The following MAPT variants were observed in gnomAD, a reference collection of about 807,000 sequenced individuals.
MAPT encodes the protein microtubule-associated protein tau.
A neutral mutation model predicts 67.9 loss-of-function variants in MAPT; 34 were observed. That is an observed-to-expected ratio of 0.50 (90% CI 0.38 to 0.67). The LOEUF (loss-of-function observed/expected upper bound fraction) is 0.67. Among genes scored for constraint, MAPT ranks in the 30% least tolerant of loss-of-function variants. The pLI, the probability that MAPT is intolerant of heterozygous loss-of-function variation, is 0.00. For synonymous variants in MAPT, 456 were observed against 464.5 expected, an observed-to-expected ratio of 0.98 and a Z score of 0.23; for missense variants, 881 against 1,115.2, an observed-to-expected ratio of 0.79 and a Z score of 2.99.
intron 12 of MAPT, among the ~76,000 whole-genome samples, chr17:46,021,276 TATCCAAAGTGAGAA>T (rs1404856716): frequency 2.6e-5 from 4 of 152,140 alleles, no homozygotes; most frequent in African/African-American, 2.4e-5. Flanking sequence ...GCTGGGTCGC[TATCCAAAGTGAGAA>T]AACGAGGAGG....
Position 45,971,731 on chromosome 17 carries a change from G to A in MAPT, c.134-128G>A, listed in dbSNP as rs149070658. 89 of 739,836 alleles carry A rather than the reference G, an allele frequency of 1.2e-4. No individual in the cohort carries two copies. In the East Asian group the frequency reaches 1.9e-3, roughly 16 times the overall value. 45.8% of individuals were successfully genotyped at this position (739,836 alleles called of 1,614,324 possible). ...CCCTTTGTGGGTTTGTTGCGAGGCC[G>A]TGTTCCAGCTGTTTCCACAGGGAGC... is the stretch of plus-strand genomic sequence containing the variant. On this transcript the variant is annotated intron_variant, in intron 2 of 12. Coordinates refer to ENST00000262410, the MANE Select transcript of MAPT (RefSeq NM_001377265.1). The surrounding 1 kb of genome is among the most constrained non-coding windows in gnomAD (Gnocchi z 4.3).
chr17:46,000,971 C>G (rs1409157866), intron 9 of MAPT, among the ~76,000 whole-genome samples: 2 of 152,308 alleles, frequency 1.3e-5, no homozygotes, highest in Admixed American at 6.5e-5. Flanking sequence ...TGGCTCACAC[C>G]TAATCCCAAC....
chr17:45,983,942 G>C lies in MAPT; in HGVS notation c.1351+12G>C. On this transcript the variant is annotated intron_variant, in intron 5 of 12. Coordinates refer to ENST00000262410, the MANE Select transcript of MAPT (RefSeq NM_001377265.1). ...CCCTCAACTCAAAGGTCTGTGTCTT[G>C]AGCTTCTTCGCTCCTTCCCTGGGGA... 1 of 1,538,514 alleles carries C rather than the reference G, an allele frequency of 6.5e-7. No individual in the cohort carries two copies. Among genetic ancestry groups the C allele is most frequent in the Non-Finnish European group, 8.7e-7 (1 of 1,147,640 alleles).
chr17:45,960,952 C>T (rs904998791), intron 1 of MAPT, among the ~76,000 whole-genome samples: 2 of 152,070 alleles, frequency 1.3e-5, no homozygotes, highest in African/African-American at 4.8e-5. Flanking sequence ...ACTTTCACAC[C>T]TCTGTCCACC....
At chr17:45,904,223 T>A (rs1233365833) in intron 1 of MAPT, among the ~76,000 whole-genome samples, 1 of 45,764 alleles carries the variant, frequency 2.2e-5, no homozygotes, top group African/African-American at 7.8e-5. Context: ...ATATATATTA[T>A]ATATATTATA....
At chr17:45,898,290 G>A (rs2063397029) in intron 1 of MAPT, 2 of 152,222 alleles carry the variant, frequency 1.3e-5, no homozygotes, top group African/African-American at 4.8e-5. Flanking sequence ...CTGCTGGAAG[G>A]GCGTGACTTT....
intron 8 of MAPT, among the ~76,000 whole-genome samples, chr17:45,992,175 A>C (rs2074112906): frequency 6.6e-6 from 1 of 152,190 alleles, no homozygotes; most frequent in South Asian, 2.1e-4. Flanking sequence ...AAAGAAAGAA[A>C]TCGAGCCTCT....
At chr17:46,003,852 C>CT (rs112281640) in intron 9 of MAPT, among the ~76,000 whole-genome samples, 21,659 of 152,132 alleles carry the variant, frequency 0.14, 2,086 homozygotes, top group Non-Finnish European at 0.22. Flanking sequence ...TCTGAAAAAT[C>CT]TGTGTGAATC....
At chr17:45,947,168 G>A (rs141270103) in intron 1 of MAPT, among the ~76,000 whole-genome samples, 1 of 152,024 alleles carries the variant, frequency 6.6e-6, no homozygotes, top group East Asian at 1.9e-4. Context: ...GCTCTTCAAG[G>A]GCCAGTCTTA....
intron 1 of MAPT, among the ~76,000 whole-genome samples, chr17:45,951,277 T>G (rs2069048693): frequency 6.6e-6 from 1 of 152,228 alleles, no homozygotes. Context: ...TGGAACTAGA[T>G]AGAGGTGATA....
chr17:46,018,703 C>T lies in MAPT; in HGVS notation c.2259C>T (p.Thr753=), dbSNP rs1248921516. The change falls in exon 12 of 13, where the codon ACC becomes ACT. Residue 753 remains threonine (T), a synonymous_variant. Coordinates refer to ENST00000262410, the MANE Select transcript of MAPT (RefSeq NM_001377265.1). ...QSKIGSLDNI[T]HVPGGGNKKI... ...AGATTGGGTCCCTGGACAATATCAC[C>T]CACGTCCCTGGCGGAGGAAATAAAA... 3 of 1,614,018 alleles carry T rather than the reference C, an allele frequency of 1.9e-6. No individual in the cohort carries two copies. In the East Asian group the frequency reaches 6.7e-5, roughly 36 times the overall value.
intron 1 of MAPT, among the ~76,000 whole-genome samples, chr17:45,909,096 A>G (rs12150527): frequency 0.14 from 21,819 of 152,226 alleles, 2,134 homozygotes; most frequent in Middle Eastern, 0.22. Context: ...ACCTTGGCAC[A>G]CAGCCCTGAG....
At chr17:45,981,054 G>A (rs1266270693) in intron 4 of MAPT, among the ~76,000 whole-genome samples, 1 of 152,236 alleles carries the variant, frequency 6.6e-6, no homozygotes, top group East Asian at 1.9e-4. Context: ...CAGTATCACA[G>A]GCTGGAGGTG....
intron 7 of MAPT, chr17:45,990,437 A>T: frequency 2.3e-6 from 1 of 429,778 alleles, no homozygotes; most frequent in South Asian, 1.8e-5. Flanking sequence ...AACATGGCAA[A>T]ACCCTGTCTC....
intron 5 of MAPT, among the ~76,000 whole-genome samples, chr17:45,986,749 A>G (rs758588907): frequency 3.9e-5 from 6 of 152,200 alleles, no homozygotes; most frequent in Non-Finnish European, 8.8e-5. Flanking sequence ...CCTCCATGCC[A>G]TCATGTCCCC....
intron 3 of MAPT, chr17:45,974,799 C>T (rs1330784133): frequency 5.3e-6 from 2 of 378,540 alleles, no homozygotes; most frequent in African/African-American, 4.1e-5. Flanking sequence ...GCCTTCTTGA[C>T]ACCTGAGGTC....
At chr17:46,023,075 G>A (rs2076628443) in intron 12 of MAPT, among the ~76,000 whole-genome samples, 1 of 152,176 alleles carries the variant, frequency 6.6e-6, no homozygotes, top group Admixed American at 6.5e-5. Context: ...AGGAATGTGT[G>A]GCTCATGTCT....
At position 45,948,646 on chromosome 17, in the gene MAPT, A is replaced by G. The variant is rs142734312; in HGVS notation, c.-17-13675A>G. The stretch of plus-strand genomic sequence containing the variant: ...TGTCTGGGTTTTGAAGCCTGGCTCC[A>G]TTACATACTTCCTGTGTGACCTTGG... On this transcript the variant is annotated intron_variant, in intron 1 of 12. Transcript: ENST00000262410. Among the ~76,000 whole-genome samples the G allele has an allele frequency of 1.1e-4, 17 of 152,328 alleles. No individual in the cohort carries two copies. The East Asian group carries it at 3.3e-3, about 29-fold the overall frequency.
intron 11 of MAPT, among the ~76,000 whole-genome samples, chr17:46,014,606 G>A (rs2076033213): frequency 6.6e-6 from 1 of 152,222 alleles, no homozygotes; most frequent in South Asian, 2.1e-4. Flanking sequence ...CGGGCGCTGT[G>A]GCTCACGCCT....
Sources: gnomAD v4.1 joint callset for allele counts (sites outside exome capture counted in the v4.1 genomes callset) on GRCh38, gnomAD v4.1.1 for gene constraint, Gnocchi (gnomAD v3.1) non-coding constraint, MANE v1.5 for transcripts, NCBI Gene and HGNC (gene_info 2026-07-23, HGNC 2026-07-21) for gene names.